Variants in PLCB1 observed in about 807,000 individuals in gnomAD.
The protein encoded by PLCB1 is phospholipase C beta 1.
In PLCB1, 46 loss-of-function variants were observed where a neutral mutation model predicts 161.8. That is an observed-to-expected ratio of 0.28 (90% CI 0.22 to 0.36). The LOEUF (loss-of-function observed/expected upper bound fraction) is 0.36, where lower values mean the gene tolerates loss of function less well. PLCB1 is among the 10% of genes least tolerant of loss of function. The pLI is 1.00. For synonymous variants in PLCB1, 517 were observed against 503.7 expected (o/e 1.03, Z -0.35); for missense variants, 1,016 against 1,472.5 (o/e 0.69, Z 5.07).
At chr20:8,662,289 T>G (rs866204155) in intron 9 of PLCB1, among the ~76,000 whole-genome samples, 1 of 120,940 alleles carries the variant, frequency 8.3e-6, no homozygotes, top group Non-Finnish European at 1.6e-5. Context: ...TAATTATGTA[T>G]ATAATTATTT....
At chr20:8,523,496 C>CTCTCTATATATATATATATA in intron 3 of PLCB1, among the ~76,000 whole-genome samples, 1 of 51,654 alleles carries the variant, frequency 1.9e-5, no homozygotes, top group East Asian at 4.0e-4. Context: ...CTCTCTCTCT[C>CTCTCTATATATATATATATA]TATATATATA....
intron 2 of PLCB1, among the ~76,000 whole-genome samples, chr20:8,330,490 G>C (rs1051215947): frequency 1.3e-5 from 2 of 152,236 alleles, no homozygotes; most frequent in Non-Finnish European, 2.9e-5. Context: ...TCACTGGCTT[G>C]AGTAATCAGT....
At chr20:8,609,019 G>A (rs952689027) in intron 3 of PLCB1, among the ~76,000 whole-genome samples, 1 of 152,010 alleles carries the variant, frequency 6.6e-6, no homozygotes, top group Admixed American at 6.6e-5. Flanking sequence ...TAGGGCTTTC[G>A]GAGCTAAGGG....
intron 2 of PLCB1, among the ~76,000 whole-genome samples, chr20:8,168,761 T>C (rs1390795774): frequency 6.6e-6 from 1 of 152,112 alleles, no homozygotes; most frequent in Non-Finnish European, 1.5e-5. Flanking sequence ...TTTTTTTTTT[T>C]TCCCTTTCTT....
At chr20:8,427,141 C>T (rs1600393236) in intron 3 of PLCB1, among the ~76,000 whole-genome samples, 1 of 152,234 alleles carries the variant, frequency 6.6e-6, no homozygotes, top group East Asian at 1.9e-4. Context: ...GAACTGCTGA[C>T]CTCAGGTGAT....
chr20:8,226,033 C>A (rs150535298), intron 2 of PLCB1, among the ~76,000 whole-genome samples: 1 of 152,288 alleles, frequency 6.6e-6, no homozygotes, highest in African/African-American at 2.4e-5. Flanking sequence ...TGTCTAGGCA[C>A]ATGGTAAGGG....
chr20:8,501,268 C>T (rs1402714388), intron 3 of PLCB1, among the ~76,000 whole-genome samples: 1 of 152,242 alleles, frequency 6.6e-6, no homozygotes, highest in Non-Finnish European at 1.5e-5. Context: ...CACTTATTTG[C>T]TTAATAACTC....
At position 8,184,433 on chromosome 20, in the gene PLCB1, C is replaced by G. The variant is rs191092258; in HGVS notation, c.177+34062C>G. ...GTAACTAAAAATTTTCCTTTAACCT[C>G]TCTAATTTTGTTATGAAAGACAAAG... On this transcript the variant is annotated intron_variant, in intron 2 of 31. Coordinates refer to ENST00000338037, the MANE Select transcript of PLCB1 (RefSeq NM_015192.4). Among the ~76,000 whole-genome samples the G allele has an allele frequency of 1.8e-3, 276 of 152,208 alleles. 1 individual carries two copies. The highest frequency in any genetic ancestry group is 6.5e-3 in the African/African-American group (271 of 41,562).
intron 2 of PLCB1, among the ~76,000 whole-genome samples, chr20:8,153,104 G>A (rs377286773): frequency 6.6e-6 from 1 of 152,090 alleles, no homozygotes; most frequent in African/African-American, 2.4e-5. Flanking sequence ...CACAGATGAT[G>A]AATTTAGGAA....
chr20:8,722,354 G>A lies in PLCB1; in HGVS notation c.1514G>A (p.Gly505Glu), dbSNP rs767347184. 6.2e-7 allele frequency: 1 copy of A among 1,610,262 alleles called. No individual in the cohort carries two copies. The highest frequency in any genetic ancestry group is 8.5e-7 in the Non-Finnish European group (1 of 1,178,034). Residue 505 changes from glycine (G) to glutamate (E), a missense_variant and splice_region_variant, in exon 15 of 32, where the codon GGA becomes GAA. This residue lies in a region of PLCB1 where 109 missense variants were observed against 129.7 expected (regional missense o/e 0.84). Transcript: ENST00000338037. ...SMFEPSSPGA[G>E]EADTESDDDD... Reference sequence around the variant, plus strand: ...ATGATCTGTTATTAAAATTTGACAGGAGAAGCTGATACGGAAAGTGACGAC... The same window carrying A: ...ATGATCTGTTATTAAAATTTGACAGAAGAAGCTGATACGGAAAGTGACGAC...
intron 2 of PLCB1, among the ~76,000 whole-genome samples, chr20:8,157,347 T>C (rs1274466245): frequency 6.6e-6 from 1 of 152,218 alleles, no homozygotes; most frequent in East Asian, 1.9e-4. Context: ...GCCTTTTTCC[T>C]AAGATAGTCA....
chr20:8,632,320 C>T (rs953815863), intron 4 of PLCB1, among the ~76,000 whole-genome samples: 9 of 152,020 alleles, frequency 5.9e-5, no homozygotes, highest in African/African-American at 1.9e-4. Flanking sequence ...TGGGTACATT[C>T]TTCATCCATA....
Position 8,548,339 on chromosome 20 carries a change from G to C in PLCB1, c.247-79955G>C, listed in dbSNP as rs199497588. Among the ~76,000 whole-genome samples, 38 of 96,818 alleles carry C rather than the reference G, an allele frequency of 3.9e-4. No homozygotes were observed. The South Asian group carries it at 8.3e-3, about 21-fold the overall frequency. 63.5% of individuals were successfully genotyped at this position (96,818 alleles called of 152,430 possible). On this transcript the variant is annotated intron_variant, in intron 3 of 31. Coordinates refer to ENST00000338037, the MANE Select transcript of PLCB1 (RefSeq NM_015192.4). ...CTTCCATCATTTTTTCTTTCTCTTT[G>C]TTTCTTTCTTTCTTTTGTCTCTCTC...
chr20:8,266,713 CCCTA>C (rs1485705948), intron 2 of PLCB1, among the ~76,000 whole-genome samples: 2 of 152,158 alleles, frequency 1.3e-5, no homozygotes, highest in African/African-American at 4.8e-5. Flanking sequence ...TCTCCAGATG[CCCTA>C]CCTATCATCT....
chr20:8,334,955 T>C (rs375743527), intron 2 of PLCB1, among the ~76,000 whole-genome samples: 1 of 152,226 alleles, frequency 6.6e-6, no homozygotes, highest in African/African-American at 2.4e-5. Context: ...AGACTCTTCA[T>C]AAAATTTCCT....
chr20:8,199,412 C>A (rs931287999), intron 2 of PLCB1, among the ~76,000 whole-genome samples: 1 of 152,110 alleles, frequency 6.6e-6, no homozygotes, highest in African/African-American at 2.4e-5. Flanking sequence ...TAAAACTGCT[C>A]CAATTTCAAC....
At chr20:8,425,474 T>C (rs1159670001) in intron 3 of PLCB1, among the ~76,000 whole-genome samples, 1 of 152,144 alleles carries the variant, frequency 6.6e-6, no homozygotes, top group East Asian at 1.9e-4. Flanking sequence ...TCCCTGTATG[T>C]GCCAGTGTGG....
chr20:8,871,924 A>G (rs1987623232), intron 31 of PLCB1, among the ~76,000 whole-genome samples: 1 of 152,206 alleles, frequency 6.6e-6, no homozygotes. Context: ...AGCCCAGGAA[A>G]ATTGGTTTTA....
chr20:8,672,145 T>C (rs989185428), intron 9 of PLCB1, among the ~76,000 whole-genome samples: 5 of 152,222 alleles, frequency 3.3e-5, no homozygotes, highest in South Asian at 2.1e-4. Flanking sequence ...TACTCACTTA[T>C]GAATTGTATA....
Sources: allele counts gnomAD v4.1 joint callset (sites outside exome capture counted in the v4.1 genomes callset), GRCh38; gene constraint gnomAD v4.1.1; regional missense constraint gnomAD v4.1.1; transcripts MANE v1.5; gene names NCBI Gene and HGNC (gene_info 2026-07-23, HGNC 2026-07-21).